The following PLCL1 variants were observed in gnomAD, a reference collection of about 807,000 sequenced individuals.
PLCL1 encodes the protein inactive phospholipase C-like protein 1.
Under a neutral mutation model 84.4 loss-of-function variants are expected in PLCL1, and 41 were observed. The ratio of observed to expected loss-of-function variants is 0.49; its 90% CI spans 0.38 to 0.63. The LOEUF (loss-of-function observed/expected upper bound fraction) is 0.63. Ranked by LOEUF, PLCL1 falls within the 30% of genes least tolerant of loss-of-function variation. PLCL1 has a pLI of 0.00. For synonymous variants in PLCL1, 490 were observed against 488.3 expected (o/e 1.00, Z -0.05); for missense variants, 1,206 against 1,367.8 (o/e 0.88, Z 1.87).
At chr2:197,999,242 G>A (rs552441796) in intron 1 of PLCL1, among the ~76,000 whole-genome samples, 93 of 152,230 alleles carry the variant, frequency 6.1e-4, no homozygotes, top group African/African-American at 2.1e-3. Context: ...AAAAAAGCTG[G>A]CACCATCTCA....
chr2:198,079,999 T>C (rs1692671988), intron 1 of PLCL1, among the ~76,000 whole-genome samples: 1 of 152,200 alleles, frequency 6.6e-6, no homozygotes, highest in Non-Finnish European at 1.5e-5. Flanking sequence ...GGAAGGGGTA[T>C]TGGTACTTCA....
intron 1 of PLCL1, among the ~76,000 whole-genome samples, chr2:197,908,683 C>T (rs1400278220): frequency 6.6e-6 from 1 of 152,088 alleles, no homozygotes; most frequent in East Asian, 1.9e-4. Context: ...ATAAGCATTT[C>T]CTAATCATGT....
At chr2:197,849,693 T>A (rs901823528) in intron 1 of PLCL1, among the ~76,000 whole-genome samples, 1 of 151,900 alleles carries the variant, frequency 6.6e-6, no homozygotes, top group Non-Finnish European at 1.5e-5. Context: ...TATTCAATGG[T>A]GGTGGTGGGT....
chr2:197,877,876 T>C (rs996914085), intron 1 of PLCL1, among the ~76,000 whole-genome samples: 2 of 152,048 alleles, frequency 1.3e-5, no homozygotes, highest in Admixed American at 6.6e-5. Flanking sequence ...CCTCTTAAAA[T>C]TGTGTGCAAA....
At chr2:197,943,754 G>A (rs1194793502) in intron 1 of PLCL1, among the ~76,000 whole-genome samples, 1 of 151,248 alleles carries the variant, frequency 6.6e-6, no homozygotes, top group African/African-American at 2.4e-5. Flanking sequence ...CCTAGAGTTA[G>A]TAATTGCCTC....
chr2:198,142,889 AT>A (rs1288088154), intron 5 of PLCL1, among the ~76,000 whole-genome samples: 2 of 147,200 alleles, frequency 1.4e-5, no homozygotes, highest in East Asian at 2.0e-4. Flanking sequence ...GCAGCTTGAC[AT>A]TTTTTTTTCA....
intron 1 of PLCL1, among the ~76,000 whole-genome samples, chr2:197,832,946 T>C (rs997474046): frequency 6.6e-6 from 1 of 152,212 alleles, no homozygotes; most frequent in African/African-American, 2.4e-5. Context: ...TCGATAAAAT[T>C]TGGCCAGGTG....
At chr2:198,097,607 CTGTT>C (rs1319449812) in intron 3 of PLCL1, among the ~76,000 whole-genome samples, 2 of 152,196 alleles carry the variant, frequency 1.3e-5, no homozygotes, top group Non-Finnish European at 2.9e-5. Context: ...TAGCTGACAA[CTGTT>C]TGGGGAACAA....
chr2:197,951,934 C>T (rs1309611782), intron 1 of PLCL1, among the ~76,000 whole-genome samples: 1 of 152,114 alleles, frequency 6.6e-6, no homozygotes, highest in Non-Finnish European at 1.5e-5. Flanking sequence ...AGTCCAGAAA[C>T]CTGGAGACTA....
chr2:198,002,142 A>T lies in PLCL1; in HGVS notation c.241-81616A>T, dbSNP rs375095373. The T allele has an allele frequency of 3.2e-4, 73 of 229,936 alleles. 1 individual carries two copies. The Middle Eastern group carries it at 5.5e-3, about 17-fold the overall frequency. 14.2% of individuals were successfully genotyped at this position (229,936 alleles called of 1,614,324 possible). A position where few individuals can be genotyped will look rare whatever the true frequency, so the allele number is the denominator to read the frequency against. ...GGTCCATGGAAAAATTGTCTTCCAC[A>T]AAACCAGTCCCTGGTGCCACAAATG... On this transcript the variant is annotated intron_variant, in intron 1 of 5. Coordinates refer to ENST00000428675, the MANE Select transcript of PLCL1 (RefSeq NM_006226.4).
intron 1 of PLCL1, among the ~76,000 whole-genome samples, chr2:197,911,629 A>C (rs544303214): frequency 6.6e-6 from 1 of 152,248 alleles, no homozygotes; most frequent in South Asian, 2.1e-4. Context: ...TAATACTGTT[A>C]ATTATTCCCC....
At chr2:197,898,781 T>C (rs1688207531) in intron 1 of PLCL1, among the ~76,000 whole-genome samples, 1 of 96,724 alleles carries the variant, frequency 1.0e-5, no homozygotes, top group Non-Finnish European at 2.2e-5. Context: ...TGAACTCTGA[T>C]GCTTGCAAAT....
rs74563891 is a variant in PLCL1, at chr2:198,124,143, A to T, written c.3105+20207A>T. Among the ~76,000 whole-genome samples the T allele has an allele frequency of 6.8e-3, 1,042 of 152,192 alleles. 9 individuals are homozygous for T. Among genetic ancestry groups the T allele is most frequent in the African/African-American group, 0.023 (971 of 41,532 alleles). The stretch of plus-strand genomic sequence containing the variant: ...GGCAGAAAAATGTAATTTAATTAGG[A>T]TGCATTTTTATGTAAAGTGGGGTGC... On this transcript the variant is annotated intron_variant, in intron 5 of 5. Coordinates refer to ENST00000428675, the MANE Select transcript of PLCL1 (RefSeq NM_006226.4).
intron 1 of PLCL1, among the ~76,000 whole-genome samples, chr2:197,959,858 C>T (rs1689573875): frequency 6.6e-6 from 1 of 152,068 alleles, no homozygotes; most frequent in Non-Finnish European, 1.5e-5. Context: ...TACCACTCCT[C>T]CCATTTCATT....
chr2:198,040,202 G>A (rs534224676), intron 1 of PLCL1, among the ~76,000 whole-genome samples: 1 of 152,270 alleles, frequency 6.6e-6, no homozygotes, highest in African/African-American at 2.4e-5. Flanking sequence ...GAGTTGAGGA[G>A]GGTAAGGGAA....
At chr2:197,923,707 C>T (rs1454129921) in intron 1 of PLCL1, among the ~76,000 whole-genome samples, 3 of 151,296 alleles carry the variant, frequency 2.0e-5, no homozygotes, top group African/African-American at 7.3e-5. Context: ...CCTCACATCC[C>T]AGACGATGGG....
At chr2:197,827,218 C>T (rs1288145306) in intron 1 of PLCL1, among the ~76,000 whole-genome samples, 1 of 152,134 alleles carries the variant, frequency 6.6e-6, no homozygotes, top group Non-Finnish European at 1.5e-5. Context: ...TTCTCATTGT[C>T]CTAGGAATAA....
intron 1 of PLCL1, among the ~76,000 whole-genome samples, chr2:197,925,671 A>C (rs1202610336): frequency 2.0e-5 from 3 of 152,312 alleles, no homozygotes; most frequent in Middle Eastern, 3.4e-3. Context: ...GACATCCATC[A>C]TAAATGTTAA....
chr2:197,892,493 T>A (rs565653835), intron 1 of PLCL1, among the ~76,000 whole-genome samples: 1 of 152,316 alleles, frequency 6.6e-6, no homozygotes. Context: ...TGGCTACTTA[T>A]CATAGTGTTT....
Sources: gnomAD v4.1 joint callset for allele counts (sites outside exome capture counted in the v4.1 genomes callset) on GRCh38, gnomAD v4.1.1 for gene constraint, MANE v1.5 for transcripts, NCBI Gene and HGNC (gene_info 2026-07-23, HGNC 2026-07-21) for gene names.